Variants in PIWIL1 observed in about 807,000 individuals in gnomAD.
The protein encoded by PIWIL1 is piwi like RNA-mediated gene silencing 1.
Under a neutral mutation model 114.4 loss-of-function variants are expected in PIWIL1, and 73 were observed. That is an observed-to-expected ratio of 0.64 (90% CI 0.53 to 0.78). PIWIL1 has a LOEUF of 0.78. PIWIL1 is among the 30% of genes least tolerant of loss of function. The pLI, the probability that PIWIL1 is intolerant of heterozygous loss-of-function variation, is 0.00. For missense variants in PIWIL1, 723 were observed against 1,063.1 expected, an observed-to-expected ratio of 0.68 and a Z score of 4.45; for synonymous variants, 375 against 369.0, an observed-to-expected ratio of 1.02 and a Z score of -0.19.
chr12:130,365,480 CT>C (rs1381537161), intron 18 of PIWIL1, among the ~76,000 whole-genome samples: 1 of 152,182 alleles, frequency 6.6e-6, no homozygotes, highest in East Asian at 1.9e-4. Context: ...TTATTCTTCA[CT>C]TTTAGAAAAT....
chr12:130,354,497 G>A (rs767366713), intron 9 of PIWIL1, 40 bp from the exon 10 acceptor site: 3 of 1,612,728 alleles, frequency 1.9e-6, no homozygotes, highest in East Asian at 4.5e-5. Context: ...GCTACTCGAG[G>A]CATTTGCCGT....
chr12:130,338,847 G>A (rs1300821105), intron 1 of PIWIL1, among the ~76,000 whole-genome samples: 3 of 133,760 alleles, frequency 2.2e-5, no homozygotes, highest in Non-Finnish European at 3.3e-5. Flanking sequence ...GGGGCTGTAG[G>A]GCCGGGGTGC....
chr12:130,382,235 C>A, the PIWIL1 span, among the ~76,000 whole-genome samples: 33 of 152,340 alleles, frequency 2.2e-4, no homozygotes, highest in Middle Eastern at 3.4e-3. Flanking sequence ...CTGGATCAAC[C>A]TATATCTTCA....
At chr12:130,408,461 G>A in the PIWIL1 span, among the ~76,000 whole-genome samples, 1 of 152,224 alleles carries the variant, frequency 6.6e-6, no homozygotes, top group Non-Finnish European at 1.5e-5. Context: ...AGTCGACTTA[G>A]AGGTGCATTC....
At chr12:130,374,069 G>A (rs1393054138), downstream of PIWIL1, among the ~76,000 whole-genome samples, 1 of 152,154 alleles carries the variant, frequency 6.6e-6, no homozygotes, top group East Asian at 1.9e-4. Context: ...TTCCCCAAAA[G>A]TGCATGCCTG....
intron 4 of PIWIL1, 126 bp from the exon 5 acceptor site, chr12:130,346,244 C>A: frequency 1.5e-6 from 1 of 683,958 alleles, no homozygotes; most frequent in Non-Finnish European, 2.5e-6. Flanking sequence ...TGTCTGAGGA[C>A]TTTCATGTTG....
At chr12:130,424,693 T>G in the PIWIL1 span, 3 of 1,231,956 alleles carry the variant, frequency 2.4e-6, no homozygotes, top group Non-Finnish European at 3.0e-6. The surrounding 1 kb of genome is among the most constrained non-coding windows in gnomAD (Gnocchi z 9.8). Flanking sequence ...AGCCCCGTCC[T>G]GGCCCTGGGG....
At chr12:130,404,252 T>C in the PIWIL1 span, among the ~76,000 whole-genome samples, 1 of 152,204 alleles carries the variant, frequency 6.6e-6, no homozygotes, top group Non-Finnish European at 1.5e-5. Flanking sequence ...CAGTGGAATA[T>C]ATGCTAGGGG....
At chr12:130,386,404 ACCACCCCT>A in the PIWIL1 span, among the ~76,000 whole-genome samples, 1 of 151,222 alleles carries the variant, frequency 6.6e-6, no homozygotes, top group Admixed American at 6.6e-5. Flanking sequence ...ACCCATGCAC[ACCACCCCT>A]TCCTGTCTCC....
At chr12:130,390,288 T>A in the PIWIL1 span, among the ~76,000 whole-genome samples, 1 of 152,200 alleles carries the variant, frequency 6.6e-6, no homozygotes, top group African/African-American at 2.4e-5. Context: ...CACTGTCTTG[T>A]GTTTCTACCT....
chr12:130,424,967 C>T, the PIWIL1 span: 4 of 573,998 alleles, frequency 7.0e-6, no homozygotes, highest in South Asian at 9.7e-5. The surrounding 1 kb of genome is among the most constrained non-coding windows in gnomAD (Gnocchi z 9.8). Context: ...CTGGAGGCAC[C>T]GAGGGGGGGG....
At chr12:130,349,199 A>G in intron 7 of PIWIL1, 40 bp from the exon 8 acceptor site, 1 of 1,492,996 alleles carries the variant, frequency 6.7e-7, no homozygotes, top group South Asian at 1.1e-5. Flanking sequence ...AATGTGTTGA[A>G]TGTGGAGAGG....
intron 15 of PIWIL1, 39 bp downstream of exon 15, chr12:130,361,419 G>A: frequency 6.2e-7 from 1 of 1,610,244 alleles, no homozygotes; most frequent in Non-Finnish European, 8.5e-7. Flanking sequence ...TTTTAAAATT[G>A]GTATTTAAGA....
At chr12:130,404,015 C>T in the PIWIL1 span, among the ~76,000 whole-genome samples, 12 of 152,202 alleles carry the variant, frequency 7.9e-5, no homozygotes, top group African/African-American at 2.4e-4. Context: ...AAATACATAA[C>T]GAGTCACAGA....
At chr12:130,412,337 G>A in the PIWIL1 span, among the ~76,000 whole-genome samples, 7 of 152,164 alleles carry the variant, frequency 4.6e-5, no homozygotes, top group African/African-American at 7.2e-5. Context: ...TTCTAGATGC[G>A]ATAAATTGTT....
the PIWIL1 span, among the ~76,000 whole-genome samples, chr12:130,395,181 C>T: frequency 6.6e-6 from 1 of 152,142 alleles, no homozygotes; most frequent in African/African-American, 2.4e-5. Flanking sequence ...TGGGCTTCCA[C>T]TTTTAGACTA....
At chr12:130,399,385 T>C in the PIWIL1 span, among the ~76,000 whole-genome samples, 4 of 152,180 alleles carry the variant, frequency 2.6e-5, no homozygotes, top group Admixed American at 2.0e-4. Flanking sequence ...AGCCATCCCC[T>C]TTTCACTCTT....
At chr12:130,415,705 T>C in the PIWIL1 span, among the ~76,000 whole-genome samples, 1 of 150,978 alleles carries the variant, frequency 6.6e-6, no homozygotes, top group African/African-American at 2.4e-5. Flanking sequence ...AAATAAGAAG[T>C]CAAATTATCT....
At chr12:130,423,852 C>G in the PIWIL1 span, among the ~76,000 whole-genome samples, 1 of 152,218 alleles carries the variant, frequency 6.6e-6, no homozygotes, top group East Asian at 1.9e-4. Context: ...CACACTTCAG[C>G]TAACCCTTAA....
Sources: allele counts gnomAD v4.1 joint callset (sites outside exome capture counted in the v4.1 genomes callset), GRCh38; gene constraint gnomAD v4.1.1; non-coding constraint Gnocchi (gnomAD v3.1); transcripts MANE v1.5; gene names NCBI Gene and HGNC (gene_info 2026-07-23, HGNC 2026-07-21).